ESRRG: variants seen among roughly 807,000 people sequenced by gnomAD.
The protein encoded by ESRRG is estrogen-related receptor gamma.
A neutral mutation model predicts 44.0 loss-of-function variants in ESRRG; 13 were observed. The ratio of observed to expected loss-of-function variants is 0.30; its 90% CI spans 0.19 to 0.47. The LOEUF is 0.47. Among genes scored for constraint, ESRRG ranks in the 20% least tolerant of loss-of-function variants. ESRRG has a pLI of 1.00. For missense variants in ESRRG, 395 were observed against 580.6 expected, an observed-to-expected ratio of 0.68 and a Z score of 3.29; for synonymous variants, 215 against 214.6, an observed-to-expected ratio of 1.00 and a Z score of -0.02.
chr1:216,545,544 C>T (rs910723537), intron 5 of ESRRG, among the ~76,000 whole-genome samples: 1 of 151,982 alleles, frequency 6.6e-6, no homozygotes, highest in African/African-American at 2.4e-5. Context: ...TTCAAATATA[C>T]ATAGCTTTGA....
At chr1:216,755,583 T>A (rs2092392833) in intron 2 of ESRRG, among the ~76,000 whole-genome samples, 2 of 152,026 alleles carry the variant, frequency 1.3e-5, no homozygotes, top group Non-Finnish European at 2.9e-5. Flanking sequence ...TATATTTACC[T>A]CACATGGTCC....
At chr1:216,636,022 A>C (rs774369675) in intron 3 of ESRRG, among the ~76,000 whole-genome samples, 55 of 152,218 alleles carry the variant, frequency 3.6e-4, no homozygotes, top group Non-Finnish European at 3.1e-4. Flanking sequence ...TTTTAAATAC[A>C]TTACCTTAAT....
chr1:216,632,926 C>A (rs902576647), intron 3 of ESRRG, among the ~76,000 whole-genome samples: 6 of 152,016 alleles, frequency 3.9e-5, no homozygotes, highest in Non-Finnish European at 7.4e-5. Context: ...GTATAATATC[C>A]TTTTCCTTTG....
At chr1:217,081,317 T>C (rs1283430681) in intron 1 of ESRRG, among the ~76,000 whole-genome samples, 1 of 128,416 alleles carries the variant, frequency 7.8e-6, no homozygotes. Flanking sequence ...AACCTCCGAC[T>C]CCTGGGTTCA....
chr1:216,595,998 T>C (rs1338525834), intron 3 of ESRRG, among the ~76,000 whole-genome samples: 1 of 152,222 alleles, frequency 6.6e-6, no homozygotes, highest in Non-Finnish European at 1.5e-5. Context: ...CAAACAGCAG[T>C]CAGGGACTGC....
At chr1:217,034,549 C>T (rs2082556407) in intron 1 of ESRRG, among the ~76,000 whole-genome samples, 1 of 152,194 alleles carries the variant, frequency 6.6e-6, no homozygotes, top group African/African-American at 2.4e-5. Context: ...GCAAGCTTCA[C>T]TCTGGCCACA....
rs186413913 is a variant in ESRRG, at chr1:217,098,383, C to T, written c.-230+39284G>A. On this transcript the variant is annotated intron_variant, in intron 1 of 8. Coordinates refer to the ESRRG transcript ENST00000366940. ...ATTTTATTTACTCTTTACAACAAGC[C>T]TGCATAGCTGGCATTATTATTATGC... is the stretch of plus-strand genomic sequence containing the variant. 5.5e-4 allele frequency among the ~76,000 whole-genome samples: 83 copies of T among 152,254 alleles called. No individual in the cohort carries two copies. The Middle Eastern group carries it at 0.01, about 19-fold the overall frequency.
In ESRRG at chr1:217,051,289, A is replaced by G. The variant is rs550197230; in HGVS notation, c.-106+38218T>C. Among the ~76,000 whole-genome samples the G allele has an allele frequency of 1.3e-3, 191 of 150,876 alleles. 1 individual carries two copies. In the Middle Eastern group the frequency reaches 0.014, roughly 11 times the overall value. On this transcript the variant is annotated intron_variant, in intron 1 of 7. Transcript: ENST00000359162. ...GGGTTTCCCTTTAGGTATTATCCTG[A>G]AGAAAGCTCCAGGCAACCTTAGGCT...
At chr1:216,550,224 G>A (rs191093624) in intron 5 of ESRRG, among the ~76,000 whole-genome samples, 4 of 152,126 alleles carry the variant, frequency 2.6e-5, no homozygotes, top group South Asian at 4.2e-4. Flanking sequence ...ATATTCCAGC[G>A]GCATATCGCA....
intron 2 of ESRRG, among the ~76,000 whole-genome samples, chr1:216,930,421 C>G (rs2063182096): frequency 6.6e-6 from 1 of 152,160 alleles, no homozygotes; most frequent in Non-Finnish European, 1.5e-5. Flanking sequence ...ACTCTCTCCT[C>G]AAGCTTCAAC....
chr1:216,594,314 T>A (rs1195046617), intron 3 of ESRRG, among the ~76,000 whole-genome samples: 2 of 152,204 alleles, frequency 1.3e-5, no homozygotes, highest in African/African-American at 4.8e-5. Flanking sequence ...ATATAAATAC[T>A]CTCATCTCTG....
chr1:216,715,570 G>T (rs1326152039), intron 1 of ESRRG, among the ~76,000 whole-genome samples: 1 of 152,068 alleles, frequency 6.6e-6, no homozygotes, highest in Non-Finnish European at 1.5e-5. Flanking sequence ...AGGGCAAAGG[G>T]CAATCAATTG....
At chr1:216,818,476 C>A (rs868360383) in intron 2 of ESRRG, among the ~76,000 whole-genome samples, 1 of 152,164 alleles carries the variant, frequency 6.6e-6, no homozygotes, top group Admixed American at 6.5e-5. Context: ...GAAAAAGAAA[C>A]GGCACACTGG....
At chr1:216,990,731 T>G (rs924351799) in intron 1 of ESRRG, among the ~76,000 whole-genome samples, 1 of 152,224 alleles carries the variant, frequency 6.6e-6, no homozygotes, top group African/African-American at 2.4e-5. Flanking sequence ...CTTACTTTAT[T>G]GTAAGGATAC....
intron 2 of ESRRG, among the ~76,000 whole-genome samples, chr1:216,922,051 C>A (rs2061912935): frequency 6.6e-6 from 1 of 152,108 alleles, no homozygotes; most frequent in Non-Finnish European, 1.5e-5. Context: ...GCGGTTACCA[C>A]CAGGAACTAA....
intron 1 of ESRRG, among the ~76,000 whole-genome samples, chr1:217,132,140 C>G (rs1173009761): frequency 6.6e-6 from 1 of 152,166 alleles, no homozygotes; most frequent in Non-Finnish European, 1.5e-5. Flanking sequence ...TTGCCTTCAT[C>G]TGTCCATGCT....
chr1:216,837,147 C>T (rs1486733365), intron 2 of ESRRG, among the ~76,000 whole-genome samples: 2 of 151,772 alleles, frequency 1.3e-5, no homozygotes, highest in East Asian at 1.9e-4. Context: ...AGGTGGCTCA[C>T]GTCTGTAATC....
At chr1:217,124,743 G>A (rs1305763860) in intron 1 of ESRRG, among the ~76,000 whole-genome samples, 1 of 152,178 alleles carries the variant, frequency 6.6e-6, no homozygotes, top group African/African-American at 2.4e-5. Flanking sequence ...CACTGAAAAT[G>A]CCTGTATTTT....
intron 4 of ESRRG, 42 bp from the exon 5 acceptor site, chr1:216,564,422 T>C: frequency 6.7e-7 from 1 of 1,490,928 alleles, no homozygotes; most frequent in Non-Finnish European, 9.1e-7. Flanking sequence ...ACTAGTAGTA[T>C]CATCCCTCTT....
Sources: allele counts gnomAD v4.1 joint callset (sites outside exome capture counted in the v4.1 genomes callset), GRCh38; gene constraint gnomAD v4.1.1; transcripts MANE v1.5; gene names NCBI Gene and HGNC (gene_info 2026-07-23, HGNC 2026-07-21).